The following COMMD10 variants were observed in gnomAD, a reference collection of about 807,000 sequenced individuals.
The protein encoded by COMMD10 is COMM domain-containing protein 10.
In COMMD10, 33 loss-of-function variants were observed where a neutral mutation model predicts 28.9. The observed-to-expected ratio is 1.14, with a 90% CI of 0.87 to 1.53. COMMD10 has a LOEUF of 1.53. Among genes scored for constraint, COMMD10 ranks in the 40% most tolerant of loss-of-function variants. The pLI, the probability that COMMD10 is intolerant of heterozygous loss-of-function variation, is 0.00. For synonymous variants in COMMD10, 110 were observed against 81.7 expected (o/e 1.35, Z -1.87); for missense variants, 310 against 233.4 (o/e 1.33, Z -2.14).
chr5:116,124,045 G>C (rs773350941), intron 4 of COMMD10, among the ~76,000 whole-genome samples: 1 of 151,578 alleles, frequency 6.6e-6, no homozygotes, highest in East Asian at 1.9e-4. Context: ...TGTTTTGAAG[G>C]GTTTTTTTCT....
intron 4 of COMMD10, among the ~76,000 whole-genome samples, chr5:116,132,357 A>T (rs998266823): frequency 2.0e-5 from 3 of 152,156 alleles, no homozygotes; most frequent in Admixed American, 6.5e-5. Context: ...ATCTTGAAAG[A>T]TTGTGGCTTA....
chr5:116,096,478 C>T (rs1287456515), intron 4 of COMMD10, among the ~76,000 whole-genome samples: 1 of 151,980 alleles, frequency 6.6e-6, no homozygotes, highest in African/African-American at 2.4e-5. Flanking sequence ...TTAGTTTTAG[C>T]AGCTTTCTTA....
intron 5 of COMMD10, among the ~76,000 whole-genome samples, chr5:116,245,850 C>G (rs561453531): frequency 6.6e-6 from 1 of 151,248 alleles, no homozygotes; most frequent in East Asian, 2.0e-4. Flanking sequence ...AAATGAGAGT[C>G]TTCTATGACA....
chr5:116,292,587 C>G lies in COMMD10; in HGVS notation c.*98C>G. 1.0e-6 allele frequency: 1 copy of G among 978,412 alleles called. No individual in the cohort carries two copies. The highest frequency in any genetic ancestry group is 1.5e-6 in the Non-Finnish European group (1 of 654,240). 60.6% of individuals were successfully genotyped at this position (978,412 alleles called of 1,614,324 possible). A position where few individuals can be genotyped will look rare whatever the true frequency, so the allele number is the denominator to read the frequency against. ...TTGTGTTTTCTGAAGGATTCAGTGA[C>G]TTGCTTTCTGTAAATTATATGGCTT... On this transcript the variant is annotated 3_prime_UTR_variant, in exon 7 of 7. Transcript: ENST00000274458.
At chr5:116,191,304 C>CG (rs1380506823) in intron 5 of COMMD10, among the ~76,000 whole-genome samples, 1 of 151,932 alleles carries the variant, frequency 6.6e-6, no homozygotes, top group African/African-American at 2.4e-5. Flanking sequence ...GGCCAGAACT[C>CG]GGGTGAGGAC....
intron 5 of COMMD10, among the ~76,000 whole-genome samples, chr5:116,205,041 A>G (rs906629427): frequency 7.9e-5 from 12 of 152,196 alleles, no homozygotes; most frequent in African/African-American, 2.9e-4. Context: ...GAGACTAGTA[A>G]AATGACTGCC....
At chr5:116,197,679 G>A (rs1191262787) in intron 5 of COMMD10, among the ~76,000 whole-genome samples, 1 of 152,106 alleles carries the variant, frequency 6.6e-6, no homozygotes, top group African/African-American at 2.4e-5. Context: ...ACCGTGCCTG[G>A]CCCCAGATTT....
Position 116,192,301 on chromosome 5 carries a change from G to C in COMMD10, c.510+58123G>C, listed in dbSNP as rs576306480. ...AAATAACACTAGTTCACAAGCAGTG[G>C]ATCCAAACCAAGAAGAAATCCCTGA... is the stretch of plus-strand genomic sequence containing the variant. On this transcript the variant is annotated intron_variant, in intron 5 of 6. Coordinates refer to ENST00000274458, the MANE Select transcript of COMMD10 (RefSeq NM_016144.4). Among the ~76,000 whole-genome samples, 4 of 147,794 alleles carry C rather than the reference G, an allele frequency of 2.7e-5. No individual in the cohort carries two copies. The South Asian group carries it at 8.8e-4, about 32-fold the overall frequency.
At chr5:116,087,638 G>A (rs981610022) in intron 2 of COMMD10, 51 bp downstream of exon 2, 5 of 1,266,716 alleles carry the variant, frequency 3.9e-6, no homozygotes, top group Non-Finnish European at 5.8e-6. Context: ...TGATTTAATT[G>A]AAAGTCTGAT....
At chr5:116,232,796 T>C (rs1749562308) in intron 5 of COMMD10, among the ~76,000 whole-genome samples, 1 of 152,184 alleles carries the variant, frequency 6.6e-6, no homozygotes. Context: ...TACAGAGTGC[T>C]TACATTTGTT....
At chr5:116,247,588 A>G (rs1216727394) in intron 5 of COMMD10, among the ~76,000 whole-genome samples, 2 of 151,948 alleles carry the variant, frequency 1.3e-5, no homozygotes, top group South Asian at 2.1e-4. Context: ...GTCACTGGAT[A>G]AAGAAAATGT....
intron 5 of COMMD10, among the ~76,000 whole-genome samples, chr5:116,181,940 C>CCT (rs775531630): frequency 3.4e-4 from 51 of 152,168 alleles, no homozygotes; most frequent in Non-Finnish European, 6.0e-4. Flanking sequence ...AGACATAGCT[C>CCT]CTGCCCCCAT....
intron 5 of COMMD10, among the ~76,000 whole-genome samples, chr5:116,203,945 C>T (rs1373704236): frequency 2.9e-4 from 44 of 152,082 alleles, no homozygotes; most frequent in Non-Finnish European, 1.5e-5. Flanking sequence ...CACAGGCTGG[C>T]AAATTGGATA....
chr5:116,216,773 A>G (rs943340618), intron 5 of COMMD10, among the ~76,000 whole-genome samples: 5 of 152,094 alleles, frequency 3.3e-5, no homozygotes, highest in African/African-American at 1.2e-4. Context: ...TGACCTCATG[A>G]TCTGCCTGCC....
intron 1 of COMMD10, among the ~76,000 whole-genome samples, chr5:116,086,963 T>TA (rs1329718708): frequency 6.6e-6 from 1 of 152,196 alleles, no homozygotes; most frequent in African/African-American, 2.4e-5. Context: ...GGTGACAGAG[T>TA]AAGACCCTAT....
chr5:116,184,641 T>G (rs1459477430), intron 5 of COMMD10, among the ~76,000 whole-genome samples: 1 of 152,084 alleles, frequency 6.6e-6, no homozygotes, highest in Admixed American at 6.6e-5. Context: ...GAGTTGTTAT[T>G]TACCAAAAGA....
intron 5 of COMMD10, among the ~76,000 whole-genome samples, chr5:116,288,174 C>G (rs987689448): frequency 1.6e-4 from 25 of 151,786 alleles, no homozygotes; most frequent in Admixed American, 1.6e-3. Context: ...ATTTCTTCTT[C>G]ACTTTTGAAG....
intron 4 of COMMD10, among the ~76,000 whole-genome samples, chr5:116,109,378 A>T (rs898413892): frequency 6.6e-6 from 1 of 152,064 alleles, no homozygotes; most frequent in East Asian, 1.9e-4. Flanking sequence ...CTCCTGGGTG[A>T]TCCCCAAGAG....
intron 2 of COMMD10, among the ~76,000 whole-genome samples, chr5:116,088,283 C>T (rs1295950355): frequency 6.6e-6 from 1 of 152,196 alleles, no homozygotes; most frequent in African/African-American, 2.4e-5. Flanking sequence ...AAAACTGTGC[C>T]TTTCCCCTTT....
Sources: allele counts gnomAD v4.1 joint callset (sites outside exome capture counted in the v4.1 genomes callset), GRCh38; gene constraint gnomAD v4.1.1; transcripts MANE v1.5; gene names NCBI Gene and HGNC (gene_info 2026-07-23, HGNC 2026-07-21).